The following NGRN variants were observed in gnomAD, a reference collection of about 807,000 sequenced individuals.
NGRN encodes the protein neugrin.
NGRN carries 12 observed loss-of-function variants against 13.1 expected under a neutral mutation model. That is an observed-to-expected ratio of 0.92 (90% CI 0.59 to 1.49). NGRN has a LOEUF of 1.49. NGRN is among the 40% of genes most tolerant of loss of function. The probability of loss-of-function intolerance (pLI) is 0.00; values close to 1 mark genes in which losing one functional copy is unlikely to be tolerated. For missense variants in NGRN, 397 were observed against 357.0 expected, an observed-to-expected ratio of 1.11 and a Z score of -0.90; for synonymous variants, 149 against 145.8, an observed-to-expected ratio of 1.02 and a Z score of -0.16.
chr15:90,266,738 T>C (rs962072127), intron 2 of NGRN, among the ~76,000 whole-genome samples: 3 of 152,136 alleles, frequency 2.0e-5, no homozygotes, highest in African/African-American at 7.2e-5. Flanking sequence ...TTTAACGTTA[T>C]GACGTGGTTG....
intron 2 of NGRN, 91 bp from the exon 3 acceptor site, chr15:90,271,097 C>T: frequency 6.9e-7 from 1 of 1,457,292 alleles, no homozygotes; most frequent in Non-Finnish European, 9.3e-7. Flanking sequence ...TGCCAGGCCT[C>T]AACCCCTCTT....
intron 2 of NGRN, 86 bp from the exon 3 acceptor site, chr15:90,271,102 C>T (rs1963494819): frequency 6.8e-7 from 1 of 1,477,498 alleles, no homozygotes; most frequent in Non-Finnish European, 9.2e-7. Context: ...GGCCTCAACC[C>T]CTCTTCTTTA....
chr15:90,268,615 C>T (rs907390675), intron 2 of NGRN, among the ~76,000 whole-genome samples: 28 of 152,016 alleles, frequency 1.8e-4, no homozygotes, highest in Non-Finnish European at 3.5e-4. Flanking sequence ...TCTTTTGTTC[C>T]CAGCTGGTTC....
intron 1 of NGRN, 198 bp from the exon 2 acceptor site, chr15:90,266,090 T>C: frequency 7.0e-7 from 1 of 1,432,482 alleles, no homozygotes; most frequent in South Asian, 1.5e-5. Flanking sequence ...GTTTAGAGAG[T>C]TCGGCATGCT....
chr15:90,267,998 T>G (rs904255057), intron 2 of NGRN, among the ~76,000 whole-genome samples: 18 of 152,122 alleles, frequency 1.2e-4, no homozygotes, highest in Admixed American at 6.6e-5. Flanking sequence ...TCCTCTTTTT[T>G]TCGTTTGTTT....
intron 2 of NGRN, among the ~76,000 whole-genome samples, chr15:90,269,272 C>T (rs1195894099): frequency 6.7e-6 from 1 of 149,658 alleles, no homozygotes; most frequent in East Asian, 1.9e-4. Flanking sequence ...GCCTTAGCCT[C>T]CCAAAAGTGC....
At chr15:90,268,059 A>G (rs577685404) in intron 2 of NGRN, among the ~76,000 whole-genome samples, 1 of 152,212 alleles carries the variant, frequency 6.6e-6, no homozygotes, top group South Asian at 2.1e-4. Context: ...GCCAGAGTGC[A>G]GTGGCGAAAT....
intron 2 of NGRN, among the ~76,000 whole-genome samples, chr15:90,267,910 A>G (rs1286111562): frequency 6.6e-6 from 1 of 152,214 alleles, no homozygotes; most frequent in Non-Finnish European, 1.5e-5. Flanking sequence ...ATTGAAATTT[A>G]AAATAAAGGG....
In NGRN at chr15:90,265,822, C is replaced by T; in HGVS notation, c.110C>T (p.Pro37Leu). Reference protein sequence around the residue: ...VAGPGPIGREPDPDSDWEPEE... With the variant: ...VAGPGPIGRELDPDSDWEPEE... ...GGCCCAGGCCCTATTGGCCGGGAGC[C>T]GGACCCCGATTCCGACTGGGAGCCG... Residue 37 changes from proline to leucine, a missense_variant, in exon 1 of 3, where the codon CCG (proline) becomes CTG (leucine). Transcript: ENST00000379095. The T allele has an allele frequency of 6.2e-7, 1 of 1,610,014 alleles. No individual in the cohort carries two copies. The highest frequency in any genetic ancestry group is 8.5e-7 in the Non-Finnish European group (1 of 1,178,306).
At chr15:90,266,034 C>T (rs2151658010) in intron 1 of NGRN, 158 bp downstream of exon 1, 1 of 1,392,420 alleles carries the variant, frequency 7.2e-7, no homozygotes, top group East Asian at 2.8e-5. Context: ...GTGTTCAGCT[C>T]CCCTGGGACC....
At chr15:90,266,184 G>T in intron 1 of NGRN, 104 bp from the exon 2 acceptor site, 1 of 1,487,308 alleles carries the variant, frequency 6.7e-7, no homozygotes, top group Non-Finnish European at 8.9e-7. Flanking sequence ...TTGCCCTTGC[G>T]ATCAAAGAGA....
chr15:90,270,994 A>G (rs1410428244), intron 2 of NGRN, among the ~76,000 whole-genome samples, 194 bp from the exon 3 acceptor site: 5 of 152,056 alleles, frequency 3.3e-5, no homozygotes, highest in Admixed American at 6.6e-5. Flanking sequence ...TCGGAGGCTC[A>G]GGCACAAGAA....
intron 2 of NGRN, among the ~76,000 whole-genome samples, chr15:90,270,706 C>G (rs1311380617): frequency 6.6e-6 from 1 of 152,208 alleles, no homozygotes; most frequent in Non-Finnish European, 1.5e-5. Flanking sequence ...ACCTGACTGA[C>G]AGTGGTCAGG....
Position 90,271,795 on chromosome 15 carries a change from G to C in NGRN, c.*7G>C, listed in dbSNP as rs923594182. 2 of 1,612,936 alleles carry C rather than the reference G, an allele frequency of 1.2e-6. No homozygotes were observed. The highest frequency in any genetic ancestry group is 2.7e-5 in the African/African-American group (2 of 75,026). On this transcript the variant is annotated 3_prime_UTR_variant, in exon 3 of 3. Transcript: ENST00000379095. ...CTTCCTGTACAGAATTTGAGTCGGGGCTTGGCTTATGGAGATGCCTCGTGA... is the reference window on the plus strand; with the variant it reads ...CTTCCTGTACAGAATTTGAGTCGGGCCTTGGCTTATGGAGATGCCTCGTGA...
rs752093251 is a variant in NGRN at position 90,271,664 on chromosome 15, C to T, written c.752C>T (p.Ala251Val). The T allele has an allele frequency of 1.9e-5, 31 of 1,614,004 alleles. No individual in the cohort carries two copies. The highest frequency in any genetic ancestry group is 1.6e-4 in the Middle Eastern group (1 of 6,084). Residue 251 changes from alanine to valine, a missense_variant, in exon 3 of 3, where the codon GCG becomes GTG. Physicochemically the swap from Ala to Val is moderately conservative, Grantham distance 64. Coordinates refer to ENST00000379095, the MANE Select transcript of NGRN (RefSeq NM_001033088.3). Reference sequence around the variant, plus strand: ...AGCCCCAGAGGAACTGGCAGTGGTGCGTTGCCAAGTGGTCAGAAGCTGGAG... The same window carrying T: ...AGCCCCAGAGGAACTGGCAGTGGTGTGTTGCCAAGTGGTCAGAAGCTGGAG... ...SESPRGTGSG[A>V]LPSGQKLEEL...
At position 90,271,928 on chromosome 15, in the gene NGRN, G is replaced by C; in HGVS notation, c.*140G>C. On this transcript the variant is annotated 3_prime_UTR_variant, in exon 3 of 3. Transcript: ENST00000379095. ...GTTGAGCCTGGACTGTGGGAGGAAA[G>C]AGCTGCGTGGATAGATTCAAACTTC... The C allele has an allele frequency of 1.7e-6, 2 of 1,155,254 alleles. No homozygotes were observed. The highest frequency in any genetic ancestry group is 2.4e-6 in the Non-Finnish European group (2 of 828,020). The allele number at this position is 1,155,254 out of a possible 1,614,324, so 71.6% of individuals were successfully genotyped here.
At chr15:90,268,953 C>A (rs1470444295) in intron 2 of NGRN, among the ~76,000 whole-genome samples, 2 of 88,162 alleles carry the variant, frequency 2.3e-5, no homozygotes, top group Admixed American at 2.9e-4. Flanking sequence ...CCCACCCCCC[C>A]CCCCCCATTA....
intron 2 of NGRN, among the ~76,000 whole-genome samples, chr15:90,268,942 T>TCCCCC (rs1465949097): frequency 9.4e-4 from 5 of 5,302 alleles, no homozygotes; most frequent in African/African-American, 1.6e-3. Flanking sequence ...AACTGCTTTC[T>TCCCCC]CCCACCCCCC....
Position 90,271,590 on chromosome 15 carries a change from A to C in NGRN, c.678A>C (p.Ala226=), listed in dbSNP as rs1963505796. 1.9e-6 allele frequency: 3 copies of C among 1,614,144 alleles called. No individual in the cohort carries two copies. The highest frequency in any genetic ancestry group is 3.3e-4 in the Middle Eastern group (2 of 6,062). The change falls in exon 3 of 3, where the codon GCA becomes GCC. Residue 226 remains alanine (A), a synonymous_variant. Transcript: ENST00000379095. ...DLEESFVPVA[A]PLGHPRELQK... ...AGGAGAGCTTTGTGCCTGTTGCTGC[A>C]CCCCTAGGTCATCCAAGAGAGCTGC... is the stretch of plus-strand genomic sequence containing the variant.
Sources: gnomAD v4.1 joint callset for allele counts (sites outside exome capture counted in the v4.1 genomes callset) on GRCh38, gnomAD v4.1.1 for gene constraint, MANE v1.5 for transcripts, NCBI Gene and HGNC (gene_info 2026-07-23, HGNC 2026-07-21) for gene names.